EPX: variants seen among roughly 807,000 people sequenced by gnomAD.
EPX encodes eosinophil peroxidase.
In EPX, 60 loss-of-function variants were observed where a neutral mutation model predicts 73.0. The ratio of observed to expected loss-of-function variants is 0.82; its 90% CI spans 0.67 to 1.02. The LOEUF is 1.02. Ranked by LOEUF, EPX falls within the 50% of genes least tolerant of loss-of-function variation. EPX has a pLI of 0.00. For missense variants in EPX, 950 were observed against 973.9 expected (o/e 0.98, Z 0.33); for synonymous variants, 347 against 389.2 (o/e 0.89, Z 1.28).
chr17:58,193,240 C>T, intron 2 of EPX, 109 bp downstream of exon 2: 1 of 1,234,390 alleles, frequency 8.1e-7, no homozygotes, highest in South Asian at 1.2e-5. Flanking sequence ...ATGAACATTT[C>T]CTGTTGGTAG....
chr17:58,196,484 T>C (rs1968258076), intron 6 of EPX, among the ~76,000 whole-genome samples: 1 of 152,204 alleles, frequency 6.6e-6, no homozygotes, highest in African/African-American at 2.4e-5. Context: ...TGTGTCTTTT[T>C]CCACTGAACT....
chr17:58,197,992 C>A (rs544984427), intron 7 of EPX, among the ~76,000 whole-genome samples: 2 of 152,084 alleles, frequency 1.3e-5, no homozygotes, highest in African/African-American at 4.8e-5. Context: ...CCTGCCACCA[C>A]GTTTGGCTAA....
At chr17:58,199,415 T>G (rs1277498499) in intron 8 of EPX, 124 bp from the exon 9 acceptor site, 13 of 1,225,096 alleles carry the variant, frequency 1.1e-5, no homozygotes, top group African/African-American at 1.5e-5. Context: ...CACCCACCAA[T>G]AGTAAATTAA....
Position 58,204,274 on chromosome 17 carries a change from A to G in EPX, c.1999A>G (p.Ser667Gly), listed in dbSNP as rs764574061. The change falls in exon 12 of 13, where the codon AGC becomes GGC. Residue 667 changes from serine to glycine, a missense_variant. Transcript: ENST00000225371. The part of the protein sequence containing the change: ...VFTKRQRKAL[S>G]RISLSRIICD... The stretch of plus-strand genomic sequence containing the variant: ...CACCAAAAGACAGCGCAAGGCCCTG[A>G]GCAGAATTTCCTTGTCTCGAATTAT... 1.2e-6 allele frequency: 2 copies of G among 1,614,166 alleles called. No individual in the cohort carries two copies. Among genetic ancestry groups the G allele is most frequent in the Non-Finnish European group, 1.7e-6 (2 of 1,179,996 alleles).
chr17:58,194,576 C>T (rs34433459), intron 5 of EPX, among the ~76,000 whole-genome samples: 11 of 152,326 alleles, frequency 7.2e-5, no homozygotes, highest in Admixed American at 5.9e-4. Context: ...TGACCCCGTA[C>T]TCCCTACGTG....
intron 8 of EPX, 120 bp downstream of exon 8, chr17:58,199,320 T>C (rs1418865012): frequency 3.8e-5 from 46 of 1,197,054 alleles, no homozygotes; most frequent in Non-Finnish European, 5.3e-5. Flanking sequence ...GCGGAGCACC[T>C]GGACCTGTCC....
intron 6 of EPX, among the ~76,000 whole-genome samples, chr17:58,196,641 C>T (rs960275830): frequency 1.3e-5 from 2 of 152,116 alleles, no homozygotes; most frequent in Non-Finnish European, 2.9e-5. Context: ...AGTTCTAATC[C>T]CACCTTTCCT....
rs150742798 is a variant in EPX at position 58,194,583 on chromosome 17, C to T, written c.595-381C>T. 2.4e-4 allele frequency among the ~76,000 whole-genome samples: 37 copies of T among 152,300 alleles called. No homozygotes were observed. The East Asian group carries it at 6.2e-3, about 25-fold the overall frequency. On this transcript the variant is annotated intron_variant, in intron 5 of 12. Coordinates refer to ENST00000225371, the MANE Select transcript of EPX (RefSeq NM_000502.6). Reference sequence around the variant, plus strand: ...CCATCTGCTGACCCCGTACTCCCTACGTGTATTATCCATCACCTGGCAACC... The same window carrying T: ...CCATCTGCTGACCCCGTACTCCCTATGTGTATTATCCATCACCTGGCAACC...
Position 58,192,861 on chromosome 17 carries a change from A to G in EPX, c.15A>G (p.Pro5=), listed in dbSNP as rs1274557964. The G allele has an allele frequency of 3.7e-6, 6 of 1,614,106 alleles. No individual in the cohort carries two copies. Among genetic ancestry groups the G allele is most frequent in the Non-Finnish European group, 5.1e-6 (6 of 1,179,978 alleles). The change falls in exon 1 of 13, where the codon CCA becomes CCG. Residue 5 remains proline (P), a synonymous_variant. Coordinates refer to ENST00000225371, the MANE Select transcript of EPX (RefSeq NM_000502.6). MHLL[P]ALAGVLATLV... is the part of the protein sequence containing the mutation. ...TCGCTGCAGAGATGCATCTGCTCCC[A>G]GCCCTGGCAGGGGTCCTGGCCACAC...
At position 58,197,083 on chromosome 17, in the gene EPX, G is replaced by C; in HGVS notation, c.946G>C (p.Gly316Arg). The C allele has an allele frequency of 6.2e-7, 1 of 1,614,190 alleles. No homozygotes were observed. Among genetic ancestry groups the C allele is most frequent in the Non-Finnish European group, 8.5e-7 (1 of 1,180,040 alleles). ...TSFVDASMVY[G>R]SEVSLSLRLR... ...CTTTGTGGACGCCAGCATGGTGTAT[G>C]GCAGTGAGGTCTCCCTCTCGCTGCG... The change falls in exon 7 of 13, where the codon GGC becomes CGC. Residue 316 changes from glycine to arginine, a missense_variant. Physicochemically the swap from Gly to Arg is moderately radical, Grantham distance 125. Coordinates refer to ENST00000225371, the MANE Select transcript of EPX (RefSeq NM_000502.6).
chr17:58,199,871 C>G, intron 9 of EPX, 77 bp downstream of exon 9: 1 of 1,477,606 alleles, frequency 6.8e-7, no homozygotes, highest in Non-Finnish European at 9.3e-7. Context: ...AAGCTTACTG[C>G]CAGGAAGCCA....
At position 58,200,409 on chromosome 17, in the gene EPX, C is replaced by T. The variant is rs376617510; in HGVS notation, c.1708+14C>T. ...ACGGCCTTCCAGGTGAGGGGGCTGT[C>T]CACCTCTTCTCCCAGCTTTGCTCGG... On this transcript the variant is annotated intron_variant, in intron 10 of 12. Coordinates refer to ENST00000225371, the MANE Select transcript of EPX (RefSeq NM_000502.6). 1.9e-6 allele frequency: 3 copies of T among 1,613,370 alleles called. No individual in the cohort carries two copies. Among genetic ancestry groups the T allele is most frequent in the Admixed American group, 3.3e-5 (2 of 60,010 alleles).
chr17:58,204,221 G>T lies in EPX; in HGVS notation c.1947-1G>T. 6.2e-7 allele frequency: 1 copy of T among 1,613,016 alleles called. No individual in the cohort carries two copies. Among genetic ancestry groups the T allele is most frequent in the Non-Finnish European group, 8.5e-7 (1 of 1,178,986 alleles). The stretch of plus-strand genomic sequence containing the variant: ...ACCCACATCTCTCGACTGCCTGGTA[G>T]GTTCTGGTGGCAGAAACGAGGTGTT... On this transcript the variant is annotated splice_acceptor_variant, in intron 11 of 12. Transcript: ENST00000225371. LOFTEE classifies it high-confidence loss of function.
In EPX at chr17:58,193,731, C is replaced by T. The variant is rs771453114; in HGVS notation, c.364C>T (p.Gln122Ter). The T allele has an allele frequency of 1.9e-6, 3 of 1,612,028 alleles. No individual in the cohort carries two copies. The highest frequency in any genetic ancestry group is 2.5e-6 in the Non-Finnish European group (3 of 1,179,634). ...FNVTDVLTEP[Q>*]LRLLSQASGC... ...TCCCACAGATGTGCTAACAGAACCA[C>T]AGCTGCGGCTGCTGTCCCAGGCCAG... Residue 122 changes from glutamine to a stop codon, truncating the protein, a stop_gained, in exon 4 of 13, where the codon CAG becomes TAG. Transcript: ENST00000225371. LOFTEE classifies it high-confidence loss of function.
At chr17:58,195,578 C>A (rs2143707463) in intron 6 of EPX, among the ~76,000 whole-genome samples, 1 of 152,254 alleles carries the variant, frequency 6.6e-6, no homozygotes, top group African/African-American at 2.4e-5. Flanking sequence ...TAAGTAGGGT[C>A]CTAACCTTCA....
In EPX at chr17:58,199,131, C is replaced by A. The variant is rs779337061; in HGVS notation, c.1212C>A (p.Arg404=). The A allele has an allele frequency of 6.2e-7, 1 of 1,614,102 alleles. No individual in the cohort carries two copies. Among genetic ancestry groups the A allele is most frequent in the African/African-American group, 1.3e-5 (1 of 75,056 alleles). The change falls in exon 8 of 13, where the codon CGC becomes CGA. Residue 404 remains arginine, a synonymous_variant. Coordinates refer to ENST00000225371, the MANE Select transcript of EPX (RefSeq NM_000502.6). ...EHNRLATELR[R]LNPRWNGDKL... is the part of the protein sequence containing the mutation. ...ACCGGCTGGCCACCGAGCTGAGACG[C>A]CTGAATCCCCGGTGGAATGGAGACA...
rs755593258 is a variant in EPX at position 58,193,520 on chromosome 17, A to G, written c.320A>G (p.Gln107Arg). 3 of 1,614,032 alleles carry G rather than the reference A, an allele frequency of 1.9e-6. No individual in the cohort carries two copies. The African/African-American group carries it at 4.0e-5, about 22-fold the overall frequency. The change falls in exon 3 of 13, where the codon CAG becomes CGG. Residue 107 changes from glutamine to arginine, a missense_variant. Gln to Arg is a conservative substitution (Grantham distance 43). Transcript: ENST00000225371. ...LGLLEEKLQP[Q>R]RSGPFNVTDV... The stretch of plus-strand genomic sequence containing the variant: ...CTGCTTGAAGAGAAGTTACAACCCC[A>G]GCGGTCCGGACCCTTCAATGTCACT...
In EPX at chr17:58,193,522, C is replaced by A. The variant is rs149380205; in HGVS notation, c.322C>A (p.Arg108=). The change falls in exon 3 of 13, where the codon CGG becomes AGG. Residue 108 remains arginine, a synonymous_variant. Transcript: ENST00000225371. ...GLLEEKLQPQ[R]SGPFNVTDVL... ...GCTTGAAGAGAAGTTACAACCCCAG[C>A]GGTCCGGACCCTTCAATGTCACTGG... 6 of 1,614,146 alleles carry A rather than the reference C, an allele frequency of 3.7e-6. No individual in the cohort carries two copies. Among genetic ancestry groups the A allele is most frequent in the South Asian group, 1.1e-5 (1 of 91,082 alleles).
chr17:58,199,504 C>A, intron 8 of EPX, 35 bp from the exon 9 acceptor site: 1 of 1,613,022 alleles, frequency 6.2e-7, no homozygotes. Flanking sequence ...GGGTGAGTAG[C>A]CTCTGGGGAA....
Sources: gnomAD v4.1 joint callset for allele counts (sites outside exome capture counted in the v4.1 genomes callset) on GRCh38, gnomAD v4.1.1 for gene constraint, MANE v1.5 for transcripts, NCBI Gene and HGNC (gene_info 2026-07-23, HGNC 2026-07-21) for gene names.